Variants in CCDC91 observed in about 807,000 individuals in gnomAD.
CCDC91 encodes the protein coiled-coil domain-containing protein 91.
CCDC91 carries 48 observed loss-of-function variants against 63.2 expected under a neutral mutation model. The ratio of observed to expected loss-of-function variants is 0.76; its 90% CI spans 0.60 to 0.97. The LOEUF (loss-of-function observed/expected upper bound fraction) is 0.97, where lower values mean the gene tolerates loss of function less well. Among genes scored for constraint, CCDC91 ranks in the 50% least tolerant of loss-of-function variants. The pLI, the probability that CCDC91 is intolerant of heterozygous loss-of-function variation, is 0.00. For missense variants in CCDC91, 500 were observed against 494.6 expected (o/e 1.01, Z -0.10); for synonymous variants, 167 against 165.8 (o/e 1.01, Z -0.06).
At chr12:28,378,085 T>A (rs949858899) in intron 7 of CCDC91, among the ~76,000 whole-genome samples, 31 of 152,058 alleles carry the variant, frequency 2.0e-4, no homozygotes, top group African/African-American at 7.5e-4. Context: ...ACATGAAATT[T>A]CTGCTACTTA....
chr12:28,492,010 C>T (rs1480686691), intron 12 of CCDC91, among the ~76,000 whole-genome samples: 3 of 150,732 alleles, frequency 2.0e-5, no homozygotes, highest in Non-Finnish European at 4.4e-5. Context: ...ATTTGTGAGC[C>T]GTTTATTAAG....
chr12:28,504,075 T>TA (rs1161395073), intron 12 of CCDC91, among the ~76,000 whole-genome samples: 2 of 151,642 alleles, frequency 1.3e-5, no homozygotes, highest in African/African-American at 4.8e-5. Flanking sequence ...CCCTAAAACT[T>TA]AAAGTGTAAA....
At chr12:28,355,240 G>A (rs1205514583) in intron 6 of CCDC91, among the ~76,000 whole-genome samples, 5 of 152,122 alleles carry the variant, frequency 3.3e-5, no homozygotes. Flanking sequence ...AACTGAATCT[G>A]ATGCAAAGTG....
chr12:28,446,612 GC>G (rs1400086252), intron 8 of CCDC91, among the ~76,000 whole-genome samples: 2 of 152,088 alleles, frequency 1.3e-5, no homozygotes, highest in Admixed American at 1.3e-4. Context: ...ACAGGCTCAT[GC>G]CACTATGCCC....
chr12:28,547,888 G>T (rs1565556500), intron 12 of CCDC91, among the ~76,000 whole-genome samples: 1 of 152,090 alleles, frequency 6.6e-6, no homozygotes, highest in Admixed American at 6.6e-5. Context: ...TTGCCTTTGT[G>T]GGGGATGCAG....
chr12:28,409,110 A>T (rs776817264), intron 8 of CCDC91, among the ~76,000 whole-genome samples: 1 of 152,154 alleles, frequency 6.6e-6, no homozygotes, highest in Non-Finnish European at 1.5e-5. Flanking sequence ...GCACTTGCCA[A>T]ACTTCTAATA....
At chr12:28,428,571 CCCCAAAAAAA>C (rs1334390090) in intron 8 of CCDC91, among the ~76,000 whole-genome samples, 6 of 70,830 alleles carry the variant, frequency 8.5e-5, no homozygotes, top group African/African-American at 1.7e-4. Flanking sequence ...CTCCGTCTCT[CCCCAAAAAAA>C]AAAAAAAAAA....
intron 7 of CCDC91, among the ~76,000 whole-genome samples, chr12:28,370,470 G>A (rs1271516170): frequency 6.6e-6 from 1 of 152,180 alleles, no homozygotes. Flanking sequence ...GTCCATATCA[G>A]TGTCAGCATT....
At chr12:28,480,616 T>C (rs1951394805) in intron 11 of CCDC91, among the ~76,000 whole-genome samples, 1 of 152,052 alleles carries the variant, frequency 6.6e-6, no homozygotes, top group African/African-American at 2.4e-5. Context: ...AGTTTATCAC[T>C]CATTTTCTAA....
intron 12 of CCDC91, among the ~76,000 whole-genome samples, chr12:28,492,215 GT>G (rs1313533077): frequency 5.3e-5 from 8 of 149,908 alleles, no homozygotes; most frequent in Admixed American, 3.4e-4. Context: ...CAGTATAAAT[GT>G]TTTTTTTTCA....
chr12:28,521,727 A>G (rs1467295706), intron 12 of CCDC91, among the ~76,000 whole-genome samples: 1 of 152,092 alleles, frequency 6.6e-6, no homozygotes, highest in African/African-American at 2.4e-5. Context: ...AATAGTTCTT[A>G]TTATTTTGAG....
intron 1 of CCDC91, chr12:28,191,326 GT>G: frequency 6.6e-6 from 1 of 152,358 alleles, no homozygotes. Context: ...CTGCGCTGGT[GT>G]TTTTTTGGTA....
intron 12 of CCDC91, 79 bp downstream of exon 12, chr12:28,484,244 A>ATGG: frequency 3.0e-6 from 2 of 660,228 alleles, no homozygotes; most frequent in Non-Finnish European, 5.0e-6. Context: ...ATGAAATTGT[A>ATGG]AAATATTTAA....
chr12:28,429,482 T>C (rs1324874641), intron 8 of CCDC91, among the ~76,000 whole-genome samples: 2 of 152,158 alleles, frequency 1.3e-5, no homozygotes, highest in Non-Finnish European at 2.9e-5. Context: ...AACATTATCA[T>C]GGGAAACATA....
intron 12 of CCDC91, among the ~76,000 whole-genome samples, chr12:28,491,861 T>TTC (rs1042815137): frequency 2.8e-5 from 4 of 145,144 alleles, no homozygotes; most frequent in Admixed American, 6.9e-5. Flanking sequence ...GTCAAAAATT[T>TTC]TGTGTGTGTG....
At chr12:28,463,254 T>C (rs1203732271) in intron 11 of CCDC91, among the ~76,000 whole-genome samples, 1 of 152,170 alleles carries the variant, frequency 6.6e-6, no homozygotes, top group Non-Finnish European at 1.5e-5. Context: ...TTGGTGGATA[T>C]CAGTTTGACA....
intron 8 of CCDC91, among the ~76,000 whole-genome samples, chr12:28,446,898 G>A (rs892935157): frequency 1.3e-5 from 2 of 152,258 alleles, no homozygotes; most frequent in African/African-American, 4.8e-5. Flanking sequence ...AAGTATTTCT[G>A]GACAAAAAGA....
chr12:28,394,256 G>A (rs1946133441), intron 8 of CCDC91, among the ~76,000 whole-genome samples: 1 of 152,150 alleles, frequency 6.6e-6, no homozygotes, highest in Admixed American at 6.5e-5. Flanking sequence ...CACAAGGTCA[G>A]AAGATTGAGA....
At chr12:28,305,396 A>C (rs1376170452) in intron 3 of CCDC91, among the ~76,000 whole-genome samples, 1 of 152,082 alleles carries the variant, frequency 6.6e-6, no homozygotes, top group Non-Finnish European at 1.5e-5. Context: ...AAACACTAAG[A>C]CTTTATAAAA....
Sources: allele counts gnomAD v4.1 joint callset (sites outside exome capture counted in the v4.1 genomes callset), GRCh38; gene constraint gnomAD v4.1.1; transcripts MANE v1.5; gene names NCBI Gene and HGNC (gene_info 2026-07-23, HGNC 2026-07-21).